Variants in SRCAP observed in about 807,000 individuals in gnomAD.
SRCAP encodes the protein chromatin remodeling protein SRCAP.
Under a neutral mutation model 263.1 loss-of-function variants are expected in SRCAP, and 46 were observed. That is an observed-to-expected ratio of 0.17 (90% confidence interval 0.14 to 0.22). SRCAP has a LOEUF of 0.22. SRCAP is among the 10% of genes least tolerant of loss of function. The pLI is 1.00. For synonymous variants in SRCAP, 1,813 were observed against 1,662.1 expected (o/e 1.09, Z -2.21); for missense variants, 3,695 against 4,181.9 (o/e 0.88, Z 3.21).
chr16:30,734,625 G>A lies in SRCAP; in HGVS notation c.6729+10G>A, dbSNP rs1474778047. On this transcript the variant is annotated intron_variant, in intron 31 of 33. Transcript: ENST00000262518. ...TCATATTCTGGAGCAGGTAAAAAAAGAGTGGGCAGTTCGTAAAGTTGAGCT... is the reference window on the plus strand; with the variant it reads ...TCATATTCTGGAGCAGGTAAAAAAAAAGTGGGCAGTTCGTAAAGTTGAGCT... 2 of 1,613,918 alleles carry A rather than the reference G, an allele frequency of 1.2e-6. No individual in the cohort carries two copies. The highest frequency in any genetic ancestry group is 1.3e-5 in the African/African-American group (1 of 74,926).
chr16:30,701,404 A>C (rs1309216205), intron 3 of SRCAP: 3 of 152,316 alleles, frequency 2.0e-5, no homozygotes, highest in African/African-American at 7.2e-5. Context: ...GTATCCTCCC[A>C]GTTTTAGTAT....
rs368076714 is a variant in SRCAP, at chr16:30,721,470, C to T, written c.3535C>T (p.Leu1179=). Residue 1179 remains leucine (L), a synonymous_variant, in exon 21 of 34, where the codon CTG becomes TTG. Transcript: ENST00000262518. ...LILSPDMQAR[L]PSGEVVSIGQ... is the part of the protein sequence containing the mutation. The stretch of plus-strand genomic sequence containing the variant: ...TCTATCTCCCGATATGCAGGCTCGC[C>T]TGCCCTGTAAGTTCCCAGGGCTCTG... 6.2e-7 allele frequency: 1 copy of T among 1,609,124 alleles called. No homozygotes were observed. The highest frequency in any genetic ancestry group is 8.5e-7 in the Non-Finnish European group (1 of 1,179,874).
At chr16:30,707,113 G>C in intron 4 of SRCAP, 70 bp from the exon 5 acceptor site, 1 of 1,527,638 alleles carries the variant, frequency 6.5e-7, no homozygotes, top group Non-Finnish European at 9.0e-7. Flanking sequence ...TAGTGCTCAG[G>C]AATTCAGCCG....
intron 27 of SRCAP, 54 bp downstream of exon 27, chr16:30,729,626 A>G (rs552731575): frequency 1.9e-6 from 3 of 1,594,342 alleles, no homozygotes; most frequent in African/African-American, 2.7e-5. Flanking sequence ...TCTTAGTATT[A>G]AGACTGTTGT....
At chr16:30,709,313 C>T (rs1399119212) in intron 6 of SRCAP, among the ~76,000 whole-genome samples, 200 bp from the exon 7 acceptor site, 1 of 152,076 alleles carries the variant, frequency 6.6e-6, no homozygotes, top group Non-Finnish European at 1.5e-5. Flanking sequence ...TTCCCTCCAC[C>T]TGAGGCGAAG....
intron 6 of SRCAP, 72 bp from the exon 7 acceptor site, chr16:30,709,441 C>T: frequency 6.5e-7 from 1 of 1,547,894 alleles, no homozygotes; most frequent in African/African-American, 1.4e-5. Flanking sequence ...AGAAGGTCTC[C>T]CTAAACATCG....
At chr16:30,710,409 C>T in intron 8 of SRCAP, 1 of 647,268 alleles carries the variant, frequency 1.5e-6, no homozygotes, top group Admixed American at 2.4e-5. Context: ...CTTGCCACTT[C>T]TCTGAACATG....
At position 30,739,195 on chromosome 16, in the gene SRCAP, G is replaced by A. The variant is rs748287197; in HGVS notation, c.9155G>A (p.Gly3052Asp). The A allele has an allele frequency of 6.2e-7, 1 of 1,613,742 alleles. No homozygotes were observed. The highest frequency in any genetic ancestry group is 1.7e-5 in the Admixed American group (1 of 60,032). Residue 3052 changes from glycine (G) to aspartate (D), a missense_variant, in exon 34 of 34, where the codon GGT becomes GAT. Gly to Asp is a moderately conservative substitution (Grantham distance 94, BLOSUM62 -1). Transcript: ENST00000262518. ...CCCCAGGGCCAAGGGGAGAGTGAGG[G>A]TAGTTCCTCTGATGAGGATGGAAGC... Reference protein sequence around the residue: ...RQPQGQGESEGSSSDEDGSRP... With the variant: ...RQPQGQGESEDSSSDEDGSRP...
Position 30,734,528 on chromosome 16 carries a change from G to C in SRCAP, c.6642G>C (p.Leu2214=). ...TCCGAGAGCTGTTTGATATGCCCCT[G>C]GAGGAACCTTCTAGCTCATCCGTGC... ...QTIRELFDMP[L]EEPSSSSVPS... is the part of the protein sequence containing the mutation. The change falls in exon 31 of 34, where the codon CTG becomes CTC. Residue 2214 remains leucine, a synonymous_variant. Transcript: ENST00000262518. 1.2e-6 allele frequency: 2 copies of C among 1,613,930 alleles called. No homozygotes were observed. Among genetic ancestry groups the C allele is most frequent in the South Asian group, 1.1e-5 (1 of 91,054 alleles).
chr16:30,722,532 C>G, intron 22 of SRCAP, 31 bp from the exon 23 acceptor site: 6 of 1,594,318 alleles, frequency 3.8e-6, no homozygotes, highest in East Asian at 2.2e-5. Flanking sequence ...ATAGCTGCTT[C>G]TCTCTCTCTT....
chr16:30,703,869 C>T (rs558280559), intron 3 of SRCAP, among the ~76,000 whole-genome samples, 195 bp from the exon 4 acceptor site: 1 of 151,950 alleles, frequency 6.6e-6, no homozygotes, highest in Admixed American at 6.5e-5. Flanking sequence ...TGCACTCCAG[C>T]CTGGGCGACA....
Position 30,720,975 on chromosome 16 carries a change from C to G in SRCAP, c.3250C>G (p.Gln1084Glu), listed in dbSNP as rs1034222687. 2 of 1,599,618 alleles carry G rather than the reference C, an allele frequency of 1.3e-6. No individual in the cohort carries two copies. Among genetic ancestry groups the G allele is most frequent in the African/African-American group, 2.7e-5 (2 of 74,566 alleles). ...GCAGCCCAACAGTGGTTCTCTCCCC[C>G]AGGGTGAGTTGAAAGGGAGCCAAGG... ...PLQPNSGSLP[Q>E]VLPSPLGVLS... Residue 1084 changes from glutamine to glutamate, a missense_variant, in exon 20 of 34, where the codon CAG becomes GAG. By Grantham distance (29) the Gln-to-Glu change is conservative (BLOSUM62 2). Around this residue, in one of 12 missense-constraint regions of SRCAP, gnomAD observed 1,347 missense variants for 1,304.4 expected, o/e 1.03. Transcript: ENST00000262518.
chr16:30,721,484 C>A lies in SRCAP; in HGVS notation c.3541+8C>A, dbSNP rs1447406480. 1 of 1,606,486 alleles carries A rather than the reference C, an allele frequency of 6.2e-7. No homozygotes were observed. The highest frequency in any genetic ancestry group is 1.7e-5 in the Admixed American group (1 of 60,012). ...TGCAGGCTCGCCTGCCCTGTAAGTT[C>A]CCAGGGCTCTGTGGTGAGGGACTTG... On this transcript the variant is annotated splice_region_variant and intron_variant, in intron 21 of 33. Transcript: ENST00000262518.
Position 30,699,193 on chromosome 16 carries a change from G to GC in SRCAP, c.-333_-332insC, listed in dbSNP as rs1337845373. ...GAGGTCAGTCCGTCGGGAGGGCTAG[G>GC]GAGATGGTCACGAAACCTGAAGTCA... On this transcript the variant is annotated 5_prime_UTR_variant, in exon 1 of 34. Coordinates refer to ENST00000262518, the MANE Select transcript of SRCAP (RefSeq NM_006662.3). The GC allele has an allele frequency of 5.0e-5, 20 of 398,650 alleles. No homozygotes were observed. Among genetic ancestry groups the GC allele is most frequent in the Non-Finnish European group, 7.5e-5 (17 of 226,176 alleles). The allele number at this position is 398,650 out of a possible 1,614,324, so 24.7% of individuals were successfully genotyped here. A position where few individuals can be genotyped will look rare whatever the true frequency, so the allele number is the denominator to read the frequency against.
chr16:30,738,190 C>T lies in SRCAP; in HGVS notation c.8150C>T (p.Ala2717Val). 1.2e-6 allele frequency: 2 copies of T among 1,614,186 alleles called. No individual in the cohort carries two copies. Among genetic ancestry groups the T allele is most frequent in the Non-Finnish European group, 1.7e-6 (2 of 1,180,044 alleles). ...ATSSPEGPSP[A>V]RPPRRRTSAD... is the part of the protein sequence containing the mutation. ...TCCTCGCCTGAGGGTCCTTCACCTGCCCGACCTCCTCGGCGTCGCACCAGT... is the reference window on the plus strand; with the variant it reads ...TCCTCGCCTGAGGGTCCTTCACCTGTCCGACCTCCTCGGCGTCGCACCAGT... Residue 2717 changes from alanine to valine, a missense_variant, in exon 34 of 34, where the codon GCC becomes GTC. Transcript: ENST00000262518.
rs1013721596 is a variant in SRCAP, at chr16:30,738,807, C to G, written c.8767C>G (p.Pro2923Ala). The change falls in exon 34 of 34, where the codon CCA (proline) becomes GCA (alanine). Residue 2923 changes from proline (P) to alanine (A), a missense_variant. By Grantham distance (27) the Pro-to-Ala change is conservative. Transcript: ENST00000262518. ...TGGGCCCCAGCCTCTTGGACCCCAGCCAGTTCACAGACCCAATCCCCTCCT... is the reference window on the plus strand; with the variant it reads ...TGGGCCCCAGCCTCTTGGACCCCAGGCAGTTCACAGACCCAATCCCCTCCT... ...IPGPQPLGPQ[P>A]VHRPNPLLSP... 3 of 1,613,710 alleles carry G rather than the reference C, an allele frequency of 1.9e-6. No individual in the cohort carries two copies. The highest frequency in any genetic ancestry group is 1.3e-5 in the African/African-American group (1 of 74,920).
In SRCAP at chr16:30,713,585, G is replaced by T; in HGVS notation, c.2367G>T (p.Met789Ile). Residue 789 changes from methionine (M) to isoleucine (I), a missense_variant, in exon 16 of 34, where the codon ATG becomes ATT. By Grantham distance (10) the Met-to-Ile change is conservative. This residue lies in a region of SRCAP where 121 missense variants were observed against 330.7 expected (regional missense o/e 0.37). Transcript: ENST00000262518. Reference protein sequence around the residue: ...QNSLMELWSLMHFLMPHVFQS... With the variant: ...QNSLMELWSLIHFLMPHVFQS... ...GCCTCATGGAGCTGTGGTCCTTGAT[G>T]CACTTTTTGATGCCCCATGTCTTCC... The T allele has an allele frequency of 1.2e-6, 2 of 1,614,194 alleles. No homozygotes were observed. The highest frequency in any genetic ancestry group is 1.7e-6 in the Non-Finnish European group (2 of 1,180,024).
In SRCAP at chr16:30,739,653, C is replaced by T. The variant is rs764649665; in HGVS notation, c.9613C>T (p.Gln3205Ter). ...TGTTGGGACCACCAACCAAGGGGAC[C>T]AGCGCATCCTGCGCAGCAGCGCCCC... is the stretch of plus-strand genomic sequence containing the variant. Reference protein sequence around the residue: ...RLVGTTNQGDQRILRSSAPPS... With the variant: ...RLVGTTNQGD Residue 3205 changes from glutamine (Q) to a stop codon, truncating the protein, a stop_gained, in exon 34 of 34, where the codon CAG (glutamine) becomes TAG (stop). Transcript: ENST00000262518. LOFTEE classifies it high-confidence loss of function. The T allele has an allele frequency of 6.3e-7, 1 of 1,587,754 alleles. No individual in the cohort carries two copies. The highest frequency in any genetic ancestry group is 1.3e-5 in the African/African-American group (1 of 74,290).
At position 30,736,524 on chromosome 16, in the gene SRCAP, A is replaced by G. The variant is rs1269107760; in HGVS notation, c.6925-17A>G. The G allele has an allele frequency of 3.1e-6, 5 of 1,613,844 alleles. No individual in the cohort carries two copies. Among genetic ancestry groups the G allele is most frequent in the Admixed American group, 1.7e-5 (1 of 59,984 alleles). On this transcript the variant is annotated splice_polypyrimidine_tract_variant and intron_variant, in intron 32 of 33. Coordinates refer to ENST00000262518, the MANE Select transcript of SRCAP (RefSeq NM_006662.3). ...GTACCAGGTTCCTAAGTTTATCACC[A>G]CCGCTCCTCCTTGCAGCTGACCCCC... is the stretch of plus-strand genomic sequence containing the variant.
Sources: gnomAD v4.1 joint callset for allele counts (sites outside exome capture counted in the v4.1 genomes callset) on GRCh38, gnomAD v4.1.1 for gene constraint, gnomAD v4.1.1 regional missense constraint, MANE v1.5 for transcripts, NCBI Gene and HGNC (gene_info 2026-07-23, HGNC 2026-07-21) for gene names.